LAMA5: variants seen among roughly 807,000 people sequenced by gnomAD.
The protein encoded by LAMA5 is laminin subunit alpha-5.
In LAMA5, 260 loss-of-function variants were observed where a neutral mutation model predicts 433.4. The observed-to-expected ratio is 0.60, with a 90% confidence interval of 0.54 to 0.66. The LOEUF (loss-of-function observed/expected upper bound fraction) is 0.66. Among genes scored for constraint, LAMA5 ranks in the 30% least tolerant of loss-of-function variants. The pLI, the probability that LAMA5 is intolerant of heterozygous loss-of-function variation, is 0.00. For synonymous variants in LAMA5, 2,620 were observed against 2,226.6 expected (o/e 1.18, Z -4.97); for missense variants, 5,378 against 5,258.5 (o/e 1.02, Z -0.70).
At chr20:62,334,939 T>G in intron 20 of LAMA5, 82 bp downstream of exon 20, 1 of 1,334,384 alleles carries the variant, frequency 7.5e-7, no homozygotes, top group Non-Finnish European at 1.1e-6. Flanking sequence ...CAGGCTGCAC[T>G]TGTCCCTCCG....
At chr20:62,338,704 T>G (rs1190425259) in intron 11 of LAMA5, 96 bp from the exon 12 acceptor site, 2 of 1,203,592 alleles carry the variant, frequency 1.7e-6, no homozygotes, top group Non-Finnish European at 2.3e-6. Flanking sequence ...CTCATTTTCT[T>G]ACACTTTTAC....
intron 31 of LAMA5, 66 bp downstream of exon 31, chr20:62,330,422 T>C: frequency 2.7e-6 from 4 of 1,464,098 alleles, no homozygotes; most frequent in Admixed American, 2.6e-5. Flanking sequence ...CAGGCCACGC[T>C]GTGGCGCCGG....
In LAMA5 at chr20:62,332,410, T is replaced by C. The variant is rs769474242; in HGVS notation, c.3514A>G (p.Ser1172Gly). Residue 1172 changes from serine to glycine, a missense_variant, in exon 28 of 80, where the codon AGC (serine) becomes GGC (glycine). By Grantham distance (56) the Ser-to-Gly change is moderately conservative. Transcript: ENST00000252999. Reference sequence around the variant, plus strand: ...GCCTGTTCGGCTGTGAGCCTCACGCTGGCCTCCGAGTCCAGGTGGAAGACA... The same window carrying C: ...GCCTGTTCGGCTGTGAGCCTCACGCCGGCCTCCGAGTCCAGGTGGAAGACA... ...LAVFHLDSEA[S>G]VRLTAEQARF... 6.2e-7 allele frequency: 1 copy of C among 1,612,810 alleles called. No individual in the cohort carries two copies. The highest frequency in any genetic ancestry group is 1.1e-5 in the South Asian group (1 of 91,082).
At position 62,313,394 on chromosome 20, in the gene LAMA5, C is replaced by T. The variant is rs1454824894; in HGVS notation, c.8725G>A (p.Val2909Met). 2 of 1,607,042 alleles carry T rather than the reference C, an allele frequency of 1.2e-6. No individual in the cohort carries two copies. The highest frequency in any genetic ancestry group is 2.2e-5 in the East Asian group (1 of 44,626). Residue 2909 changes from valine to methionine, a missense_variant, in exon 64 of 80, where the codon GTG becomes ATG. By Grantham distance (21) the Val-to-Met change is conservative. Transcript: ENST00000252999. ...CIEMDTLNEEVVSLYNFERTF... is the reference protein window; with the variant it reads ...CIEMDTLNEEMVSLYNFERTF... ...CTCTCGAAGTTGTAGAGGCTGACCA[C>T]CTCCTCATTCAGCGTGTCCATCTCG...
At position 62,330,734 on chromosome 20, in the gene LAMA5, G is replaced by A. The variant is rs1398765302; in HGVS notation, c.3852+9C>T. 1.9e-6 allele frequency: 3 copies of A among 1,557,972 alleles called. No homozygotes were observed. The highest frequency in any genetic ancestry group is 2.6e-6 in the Non-Finnish European group (3 of 1,151,484). ...ACACCCCCGTCCCTCTAGAGACTAT[G>A]GCCCTCACCTGGGGCTCACGCAGCA... On this transcript the variant is annotated intron_variant, in intron 30 of 79. Coordinates refer to ENST00000252999, the MANE Select transcript of LAMA5 (RefSeq NM_005560.6).
At chr20:62,339,239 T>C (rs983187294) in intron 11 of LAMA5, among the ~76,000 whole-genome samples, 1 of 123,534 alleles carries the variant, frequency 8.1e-6, no homozygotes, top group Admixed American at 7.9e-5. Flanking sequence ...TTCTTTTTTT[T>C]TTTTTTTTTT....
intron 11 of LAMA5, among the ~76,000 whole-genome samples, chr20:62,340,026 A>C (rs1234451570): frequency 1.3e-5 from 2 of 151,982 alleles, no homozygotes; most frequent in Admixed American, 6.5e-5. Context: ...GGACGCAAAC[A>C]CAGAGGAGTG....
Position 62,310,649 on chromosome 20 carries a change from G to A in LAMA5, c.10446+16C>T, listed in dbSNP as rs762642184. 4 of 1,599,058 alleles carry A rather than the reference G, an allele frequency of 2.5e-6. No individual in the cohort carries two copies. Among genetic ancestry groups the A allele is most frequent in the Non-Finnish European group, 3.4e-6 (4 of 1,177,172 alleles). ...CAGTGGGTGGGGAGTGGGGGCTGGG[G>A]CAAGATGGTTCTCACCGGAAGTTTG... On this transcript the variant is annotated intron_variant, in intron 75 of 79. Coordinates refer to ENST00000252999, the MANE Select transcript of LAMA5 (RefSeq NM_005560.6).
chr20:62,332,733 G>A lies in LAMA5; in HGVS notation c.3283-16C>T. 6.2e-7 allele frequency: 1 copy of A among 1,607,410 alleles called. No homozygotes were observed. Among genetic ancestry groups the A allele is most frequent in the East Asian group, 2.2e-5 (1 of 44,788 alleles). On this transcript the variant is annotated splice_polypyrimidine_tract_variant and intron_variant, in intron 26 of 79. Coordinates refer to ENST00000252999, the MANE Select transcript of LAMA5 (RefSeq NM_005560.6). ...GGACGTCCACCTGCAGGGAAGGCAG[G>A]GTGACGGGAGGCCCGCCACCCCTCG...
intron 24 of LAMA5, 33 bp from the exon 25 acceptor site, chr20:62,333,514 G>GCCCCAC: frequency 6.3e-7 from 1 of 1,594,522 alleles, no homozygotes; most frequent in East Asian, 2.3e-5. Flanking sequence ...AGAGTGGTGG[G>GCCCCAC]CCCCACCCCC....
chr20:62,340,362 A>AGTG (rs1982412611), intron 11 of LAMA5, among the ~76,000 whole-genome samples: 1 of 120,638 alleles, frequency 8.3e-6, no homozygotes, highest in Non-Finnish European at 1.6e-5. Context: ...CCCAGGCTGG[A>AGTG]GTGCAGTGGC....
In LAMA5 at chr20:62,338,132, G is replaced by A. The variant is rs754806288; in HGVS notation, c.1775C>T (p.Ala592Val). ...PLCQLCGCSP[A>V]GTLPEGCDEA... ...ATCGCAGCCCTCGGGCAAGGTTCCT[G>A]CAGGGCTGCAGCCACACACTGCAGA... The change falls in exon 14 of 80, where the codon GCA (alanine) becomes GTA (valine). Residue 592 changes from alanine (A) to valine (V), a missense_variant. Coordinates refer to ENST00000252999, the MANE Select transcript of LAMA5 (RefSeq NM_005560.6). 1 of 1,588,334 alleles carries A rather than the reference G, an allele frequency of 6.3e-7. No homozygotes were observed. Among genetic ancestry groups the A allele is most frequent in the Admixed American group, 1.7e-5 (1 of 58,032 alleles).
chr20:62,337,081 C>T (rs1013266580), intron 16 of LAMA5: 17 of 623,132 alleles, frequency 2.7e-5, no homozygotes, highest in South Asian at 1.5e-4. Flanking sequence ...AGCACACAAA[C>T]GCACGTGAAG....
intron 11 of LAMA5, among the ~76,000 whole-genome samples, chr20:62,344,439 T>G (rs973979906): frequency 6.6e-6 from 1 of 152,094 alleles, no homozygotes; most frequent in Admixed American, 6.6e-5. Flanking sequence ...TGGCTGTGAC[T>G]GTATGCTGGG....
intron 11 of LAMA5, among the ~76,000 whole-genome samples, chr20:62,344,068 T>A (rs1217914604): frequency 6.9e-6 from 1 of 144,742 alleles, no homozygotes; most frequent in Non-Finnish European, 1.5e-5. Flanking sequence ...CGTTTGAACC[T>A]GGGAGGCACA....
Position 62,313,427 on chromosome 20 carries a change from C to G in LAMA5, c.8692G>C (p.Gly2898Arg). 6.2e-7 allele frequency: 1 copy of G among 1,610,710 alleles called. No homozygotes were observed. Among genetic ancestry groups the G allele is most frequent in the South Asian group, 1.1e-5 (1 of 90,666 alleles). The change falls in exon 64 of 80, where the codon GGC (glycine) becomes CGC (arginine). Residue 2898 changes from glycine to arginine, a missense_variant. Gly to Arg is a moderately radical substitution (Grantham distance 125). Transcript: ENST00000252999. The part of the protein sequence containing the change: ...PPLLRFPGYR[G>R]CIEMDTLNEE... ...TTCAGCGTGTCCATCTCGATGCAGC[C>G]CCGGTAGCCGGGGAAGCGAAGCAGG...
chr20:62,341,153 A>T (rs1342977019), intron 11 of LAMA5, among the ~76,000 whole-genome samples: 2 of 152,238 alleles, frequency 1.3e-5, no homozygotes, highest in Non-Finnish European at 2.9e-5. Context: ...GACAAAAGGC[A>T]GAAACTATCA....
At chr20:62,328,147 A>G (rs1979651248) in intron 35 of LAMA5, 94 bp downstream of exon 35, 4 of 1,506,916 alleles carry the variant, frequency 2.7e-6, no homozygotes, top group Non-Finnish European at 3.6e-6. Context: ...GGGAGCACAA[A>G]TGGGAGCAGG....
chr20:62,314,897 G>C lies in LAMA5; in HGVS notation c.8098C>G (p.Leu2700Val). 2 of 1,610,766 alleles carry C rather than the reference G, an allele frequency of 1.2e-6. No homozygotes were observed. The highest frequency in any genetic ancestry group is 2.2e-5 in the South Asian group (2 of 91,052). The change falls in exon 60 of 80, where the codon CTG becomes GTG. Residue 2700 changes from leucine to valine, a missense_variant. Physicochemically the swap from Leu to Val is conservative, Grantham distance 32. Transcript: ENST00000252999. The part of the protein sequence containing the change: ...LPQLLAKLSI[L>V]ENRGVHNASL... ...GCGTTGTGCACCCCACGGTTCTCCAGGATGCTCAGCTTGGCCAGCAGCTGG... is the reference window on the plus strand; with the variant it reads ...GCGTTGTGCACCCCACGGTTCTCCACGATGCTCAGCTTGGCCAGCAGCTGG...
Sources: gnomAD v4.1 joint callset for allele counts (sites outside exome capture counted in the v4.1 genomes callset) on GRCh38, gnomAD v4.1.1 for gene constraint, MANE v1.5 for transcripts, NCBI Gene and HGNC (gene_info 2026-07-23, HGNC 2026-07-21) for gene names.